SCML4: variants seen among roughly 807,000 people sequenced by gnomAD.
SCML4 encodes sex comb on midleg-like protein 4.
SCML4 carries 34 observed loss-of-function variants against 41.1 expected under a neutral mutation model. The ratio of observed to expected loss-of-function variants is 0.83; its 90% confidence interval spans 0.63 to 1.10. The LOEUF (loss-of-function observed/expected upper bound fraction) is 1.10. SCML4 is among the 50% of genes least tolerant of loss of function. The pLI, the probability that SCML4 is intolerant of heterozygous loss-of-function variation, is 0.00. For synonymous variants in SCML4, 214 were observed against 220.9 expected (o/e 0.97, Z 0.28); for missense variants, 522 against 534.1 (o/e 0.98, Z 0.22).
the SCML4 span, among the ~76,000 whole-genome samples, chr6:107,839,967 T>A: frequency 6.6e-6 from 1 of 152,288 alleles, no homozygotes; most frequent in East Asian, 1.9e-4. Flanking sequence ...AAAATAAAAA[T>A]TATAAACACA....
At chr6:107,814,661 T>G (rs1784435344) in intron 1 of SCML4, among the ~76,000 whole-genome samples, 1 of 152,202 alleles carries the variant, frequency 6.6e-6, no homozygotes, top group Non-Finnish European at 1.5e-5. Flanking sequence ...CAAGAGATTC[T>G]CATGCCTCAG....
At chr6:107,716,572 A>G (rs1375465344) in intron 6 of SCML4, among the ~76,000 whole-genome samples, 2 of 152,152 alleles carry the variant, frequency 1.3e-5, no homozygotes, top group African/African-American at 4.8e-5. Flanking sequence ...TCAAATATGA[A>G]TAAGAGGCTT....
rs983726918 is a variant in SCML4 at position 107,702,448 on chromosome 6, G to T, written c.*2752C>A. On this transcript the variant is annotated 3_prime_UTR_variant, in exon 8 of 8. Transcript: ENST00000369020. ...CTGTAGTGAAGGAGGCACTGATGAG[G>T]GTGGGTAGGAAGTTTTGAAAACTTG... Among the ~76,000 whole-genome samples the T allele has an allele frequency of 6.6e-6, 1 of 152,154 alleles. No individual in the cohort carries two copies. Among genetic ancestry groups the T allele is most frequent in the Non-Finnish European group, 1.5e-5 (1 of 68,026 alleles).
chr6:107,734,361 T>C (rs1263452617), intron 5 of SCML4, among the ~76,000 whole-genome samples: 2 of 152,236 alleles, frequency 1.3e-5, no homozygotes, highest in East Asian at 3.8e-4. Flanking sequence ...GACTCAATAT[T>C]ACTCTAGTTC....
chr6:107,799,294 CT>C (rs1395201019), intron 1 of SCML4, among the ~76,000 whole-genome samples: 11 of 152,100 alleles, frequency 7.2e-5, no homozygotes, highest in Non-Finnish European at 1.6e-4. Context: ...TGATTTGACT[CT>C]TTTATTATTA....
intron 2 of SCML4, among the ~76,000 whole-genome samples, chr6:107,754,068 G>T (rs1191259546): frequency 1.3e-5 from 2 of 152,176 alleles, no homozygotes; most frequent in Non-Finnish European, 2.9e-5. Context: ...CACGGCTGCT[G>T]AGCAGCACTG....
chr6:107,775,470 G>A (rs1313671828), intron 1 of SCML4, among the ~76,000 whole-genome samples: 2 of 152,196 alleles, frequency 1.3e-5, no homozygotes, highest in Non-Finnish European at 1.5e-5. Context: ...TCTTCTGCCA[G>A]CATCTGTGAC....
intron 5 of SCML4, chr6:107,732,200 C>T (rs952338635): frequency 2.0e-5 from 3 of 152,298 alleles, no homozygotes; most frequent in Admixed American, 6.5e-5. Flanking sequence ...CTCAGTCCCG[C>T]CCCTTGTTCT....
the SCML4 span, among the ~76,000 whole-genome samples, chr6:107,835,909 G>C: frequency 6.6e-6 from 1 of 152,116 alleles, no homozygotes; most frequent in Non-Finnish European, 1.5e-5. Context: ...TGTATGGCAG[G>C]TCAGGACCTA....
At chr6:107,826,506 A>C (rs1200088503), upstream of SCML4, among the ~76,000 whole-genome samples, 1 of 152,210 alleles carries the variant, frequency 6.6e-6, no homozygotes, top group African/African-American at 2.4e-5. Context: ...ATTAAAAAAA[A>C]TAACATTTCT....
chr6:107,754,338 A>T (rs774479338), intron 2 of SCML4, among the ~76,000 whole-genome samples: 1 of 152,220 alleles, frequency 6.6e-6, no homozygotes. Context: ...GGAATGGGAG[A>T]TCATAAACCT....
chr6:107,824,717 C>T (rs943441565), upstream of SCML4, among the ~76,000 whole-genome samples: 3 of 152,164 alleles, frequency 2.0e-5, no homozygotes, highest in African/African-American at 7.2e-5. Flanking sequence ...AGAAACCAGA[C>T]TGTAACATCG....
At chr6:107,761,549 G>A (rs560267722) in intron 2 of SCML4, among the ~76,000 whole-genome samples, 1 of 151,578 alleles carries the variant, frequency 6.6e-6, no homozygotes, top group Admixed American at 6.6e-5. Flanking sequence ...TGATTCTCCT[G>A]CCTCAGCCTC....
chr6:107,825,242 C>T (rs1404830593), upstream of SCML4, among the ~76,000 whole-genome samples: 1 of 152,182 alleles, frequency 6.6e-6, no homozygotes, highest in Admixed American at 6.5e-5. Context: ...CAAGATGAAA[C>T]ATCCATTCTA....
chr6:107,764,809 C>T (rs1042116391), intron 2 of SCML4, among the ~76,000 whole-genome samples: 12 of 152,144 alleles, frequency 7.9e-5, no homozygotes, highest in South Asian at 2.1e-4. Flanking sequence ...GGTAATTTCC[C>T]CCATACTGTT....
chr6:107,713,029 G>T (rs141842867), intron 6 of SCML4, among the ~76,000 whole-genome samples: 134 of 152,348 alleles, frequency 8.8e-4, no homozygotes, highest in Middle Eastern at 3.4e-3. Flanking sequence ...GTGAAACCTA[G>T]TTATGAATGG....
intron 1 of SCML4, among the ~76,000 whole-genome samples, chr6:107,789,175 G>A (rs1409887057): frequency 6.6e-6 from 1 of 152,272 alleles, no homozygotes; most frequent in East Asian, 1.9e-4. Context: ...AACCCTCAAA[G>A]GGAAGTACTG....
chr6:107,761,129 A>G (rs1447042100), intron 2 of SCML4, among the ~76,000 whole-genome samples: 1 of 152,192 alleles, frequency 6.6e-6, no homozygotes, highest in Non-Finnish European at 1.5e-5. Flanking sequence ...TTGAAACATA[A>G]GAGTTTCAGA....
chr6:107,821,873 C>T (rs1260399290), intron 1 of SCML4, among the ~76,000 whole-genome samples: 2 of 152,116 alleles, frequency 1.3e-5, no homozygotes, highest in African/African-American at 2.4e-5. Context: ...CTTTAAGGTG[C>T]GTGTCATAAA....
Sources: gnomAD v4.1 joint callset for allele counts (sites outside exome capture counted in the v4.1 genomes callset) on GRCh38, gnomAD v4.1.1 for gene constraint, MANE v1.5 for transcripts, NCBI Gene and HGNC (gene_info 2026-07-23, HGNC 2026-07-21) for gene names.